The following PGBD5 variants were observed in gnomAD, a reference collection of about 807,000 sequenced individuals.
The protein encoded by PGBD5 is piggyBac transposable element derived 5, also known as piggyBac transposable element-derived protein 5.
PGBD5 carries 14 observed loss-of-function variants against 47.9 expected under a neutral mutation model. The ratio of observed to expected loss-of-function variants is 0.29; its 90% CI spans 0.19 to 0.46. The LOEUF (loss-of-function observed/expected upper bound fraction) is 0.46, where lower values mean the gene tolerates loss of function less well. Among genes scored for constraint, PGBD5 ranks in the 20% least tolerant of loss-of-function variants. The pLI, the probability that PGBD5 is intolerant of heterozygous loss-of-function variation, is 1.00. For synonymous variants in PGBD5, 316 were observed against 306.3 expected (o/e 1.03, Z -0.33); for missense variants, 635 against 716.0 (o/e 0.89, Z 1.29).
chr1:230,344,774 G>A (rs1051271988), intron 3 of PGBD5, among the ~76,000 whole-genome samples: 7 of 152,148 alleles, frequency 4.6e-5, no homozygotes, highest in South Asian at 2.1e-4. Flanking sequence ...ATCTACTTCC[G>A]GAGTATGTCA....
intron 1 of PGBD5, among the ~76,000 whole-genome samples, chr1:230,414,600 G>C (rs1306109317): frequency 1.3e-5 from 2 of 152,122 alleles, no homozygotes; most frequent in Non-Finnish European, 2.9e-5. Context: ...TTCTGTTCCA[G>C]GTCTCCACTG....
At chr1:230,361,315 G>A (rs1361489545) in intron 1 of PGBD5, among the ~76,000 whole-genome samples, 1 of 152,186 alleles carries the variant, frequency 6.6e-6, no homozygotes, top group African/African-American at 2.4e-5. Context: ...AATGGAATTG[G>A]GAAGGAGGAG....
chr1:230,398,894 C>G (rs868096501), intron 1 of PGBD5, among the ~76,000 whole-genome samples: 8 of 152,142 alleles, frequency 5.3e-5, no homozygotes, highest in Non-Finnish European at 7.3e-5. Flanking sequence ...AGCAGCTGGT[C>G]TGAAACAGAA....
chr1:230,328,303 G>A (rs535800876), intron 5 of PGBD5, among the ~76,000 whole-genome samples: 1 of 152,122 alleles, frequency 6.6e-6, no homozygotes, highest in East Asian at 1.9e-4. Context: ...TTAACATGGG[G>A]GTTTCAGCTT....
intron 1 of PGBD5, among the ~76,000 whole-genome samples, chr1:230,396,892 T>C (rs1478727839): frequency 6.6e-6 from 1 of 152,154 alleles, no homozygotes; most frequent in Non-Finnish European, 1.5e-5. Context: ...CAAGGTGCTA[T>C]GTACAATGGC....
Position 230,401,837 on chromosome 1 carries a change from C to T in PGBD5, c.331+23761G>A, listed in dbSNP as rs554320505. On this transcript the variant is annotated intron_variant, in intron 1 of 6. Transcript: ENST00000391860. ...CAGGCGCGCTGCTCACCTCCCCATA[C>T]GACACACCTCCTGGCACACCAAGAG... Among the ~76,000 whole-genome samples, 20 of 152,286 alleles carry T rather than the reference C, an allele frequency of 1.3e-4. 2 individuals carry two copies. In the South Asian group the frequency reaches 2.7e-3, roughly 21 times the overall value.
intron 1 of PGBD5, among the ~76,000 whole-genome samples, chr1:230,398,705 G>T (rs2102739602): frequency 6.6e-6 from 1 of 152,298 alleles, no homozygotes; most frequent in Non-Finnish European, 1.5e-5. Flanking sequence ...GCCCACCCAA[G>T]ACCTCTGGGC....
intron 1 of PGBD5, among the ~76,000 whole-genome samples, chr1:230,387,676 G>A (rs952903315): frequency 6.6e-6 from 1 of 152,162 alleles, no homozygotes; most frequent in Non-Finnish European, 1.5e-5. Context: ...TGGTGATTCG[G>A]GTTAAGGAGG....
intron 3 of PGBD5, among the ~76,000 whole-genome samples, chr1:230,342,112 A>C (rs2102694652): frequency 6.6e-6 from 1 of 152,288 alleles, no homozygotes; most frequent in East Asian, 1.9e-4. Flanking sequence ...CACGACCTCC[A>C]GAGACAGGAT....
intron 1 of PGBD5, among the ~76,000 whole-genome samples, chr1:230,389,824 G>A (rs929882449): frequency 1.3e-5 from 2 of 152,238 alleles, no homozygotes; most frequent in African/African-American, 4.8e-5. Context: ...TATTTAGAAT[G>A]TATAGGTGGT....
At chr1:230,366,853 T>C (rs1252272897) in intron 1 of PGBD5, among the ~76,000 whole-genome samples, 1 of 152,216 alleles carries the variant, frequency 6.6e-6, no homozygotes, top group African/African-American at 2.4e-5. Context: ...GACGTACAGA[T>C]GGCTGTTACG....
intron 2 of PGBD5, among the ~76,000 whole-genome samples, chr1:230,352,921 A>G (rs72763870): frequency 0.021 from 3,208 of 152,294 alleles, 51 homozygotes; most frequent in Non-Finnish European, 0.031. Context: ...CTCTGAGGCC[A>G]CAGCAAATGA....
At chr1:230,417,377 G>C (rs1488827940) in intron 1 of PGBD5, among the ~76,000 whole-genome samples, 1 of 152,106 alleles carries the variant, frequency 6.6e-6, no homozygotes, top group African/African-American at 2.4e-5. Flanking sequence ...TGGGATCCAG[G>C]GTTTGCTACG....
At chr1:230,390,653 C>T (rs1656760179) in intron 1 of PGBD5, among the ~76,000 whole-genome samples, 1 of 152,172 alleles carries the variant, frequency 6.6e-6, no homozygotes, top group South Asian at 2.1e-4. Context: ...GCTCCTGCAG[C>T]TCAGAATCAT....
At chr1:230,387,000 C>T (rs1656658127) in intron 1 of PGBD5, among the ~76,000 whole-genome samples, 2 of 152,172 alleles carry the variant, frequency 1.3e-5, no homozygotes, top group Admixed American at 1.3e-4. Context: ...GATGATGTGT[C>T]CCTGCTACTT....
chr1:230,373,741 T>C (rs1667969157), intron 1 of PGBD5, among the ~76,000 whole-genome samples: 1 of 152,230 alleles, frequency 6.6e-6, no homozygotes, highest in African/African-American at 2.4e-5. Context: ...TCACTCAGGC[T>C]GGAATACAGT....
chr1:230,383,830 C>T (rs966856218), intron 1 of PGBD5, among the ~76,000 whole-genome samples: 1 of 152,216 alleles, frequency 6.6e-6, no homozygotes, highest in African/African-American at 2.4e-5. Flanking sequence ...AAAACCTGTT[C>T]CAGCAAAAGT....
At chr1:230,419,334 A>T (rs114016126) in intron 1 of PGBD5, among the ~76,000 whole-genome samples, 2,206 of 113,918 alleles carry the variant, frequency 0.019, 58 homozygotes, top group African/African-American at 0.069. Context: ...GCATGTTGTC[A>T]CTTAGAAATG....
chr1:230,403,945 T>C (rs1051300720), intron 1 of PGBD5, among the ~76,000 whole-genome samples: 1 of 152,094 alleles, frequency 6.6e-6, no homozygotes, highest in Admixed American at 6.5e-5. Context: ...AGGATTCTAC[T>C]GCAACATACA....
Sources: allele counts gnomAD v4.1 joint callset (sites outside exome capture counted in the v4.1 genomes callset), GRCh38; gene constraint gnomAD v4.1.1; transcripts MANE v1.5; gene names NCBI Gene and HGNC (gene_info 2026-07-23, HGNC 2026-07-21).